Variants in PAK5 observed in about 807,000 individuals in gnomAD.
PAK5 encodes the protein serine/threonine-protein kinase PAK 5.
A neutral mutation model predicts 65.9 loss-of-function variants in PAK5; 16 were observed. That is an observed-to-expected ratio of 0.24 (90% CI 0.16 to 0.37). PAK5 has a LOEUF of 0.37. Among genes scored for constraint, PAK5 ranks in the 10% least tolerant of loss-of-function variants. The probability of loss-of-function intolerance (pLI) is 1.00; values close to 1 mark genes in which losing one functional copy is unlikely to be tolerated. For missense variants in PAK5, 785 were observed against 903.9 expected, an observed-to-expected ratio of 0.87 and a Z score of 1.69; for synonymous variants, 371 against 354.9, an observed-to-expected ratio of 1.05 and a Z score of -0.51.
chr20:9,645,964 C>T (rs1276712806), intron 2 of PAK5, among the ~76,000 whole-genome samples: 1 of 152,214 alleles, frequency 6.6e-6, no homozygotes, highest in Non-Finnish European at 1.5e-5. Flanking sequence ...TAATGGTGTG[C>T]TCAGTGTCTG....
chr20:9,641,636 AG>A (rs886995290), intron 3 of PAK5, among the ~76,000 whole-genome samples: 2 of 151,978 alleles, frequency 1.3e-5, no homozygotes, highest in Non-Finnish European at 2.9e-5. Context: ...GCTGTGGAGC[AG>A]GGGGTGGTGC....
chr20:9,694,316 GTGTT>G lies in PAK5; in HGVS notation c.-12+16966_-12+16969del, dbSNP rs1188312173. Among the ~76,000 whole-genome samples the G allele has an allele frequency of 7.6e-4, 24 of 31,732 alleles. No individual in the cohort carries two copies. In the East Asian group the frequency reaches 0.022, roughly 29 times the overall value. The allele number at this position is 31,732 out of a possible 152,430, so 20.8% of individuals were successfully genotyped here. A position where few individuals can be genotyped will look rare whatever the true frequency, so the allele number is the denominator to read the frequency against. On this transcript the variant is annotated intron_variant, in intron 2 of 9. Coordinates refer to ENST00000353224, the MANE Select transcript of PAK5 (RefSeq NM_177990.4). ...GCCGTGTGTGTGTTTGTGTGTGTGT[GTGTT>G]TGTGTGTGTGTGTGTGTGTGTGTGT...
intron 1 of PAK5, among the ~76,000 whole-genome samples, chr20:9,781,767 G>A (rs1166286774): frequency 6.6e-6 from 1 of 151,918 alleles, no homozygotes; most frequent in African/African-American, 2.4e-5. Flanking sequence ...AATCCTGTTG[G>A]CTCTATCTTC....
intron 4 of PAK5, among the ~76,000 whole-genome samples, chr20:9,576,139 C>T (rs1289910777): frequency 6.6e-6 from 1 of 152,134 alleles, no homozygotes; most frequent in African/African-American, 2.4e-5. Flanking sequence ...AATTTATTAA[C>T]TTACTTAACC....
At chr20:9,680,429 A>G (rs2047634195) in intron 2 of PAK5, among the ~76,000 whole-genome samples, 1 of 152,196 alleles carries the variant, frequency 6.6e-6, no homozygotes, top group South Asian at 2.1e-4. Flanking sequence ...AGTGCAGAGC[A>G]TATTTCCAAC....
intron 5 of PAK5, among the ~76,000 whole-genome samples, chr20:9,564,215 G>C (rs1195312728): frequency 6.6e-6 from 1 of 152,176 alleles, no homozygotes; most frequent in Non-Finnish European, 1.5e-5. Flanking sequence ...AATACTTTAT[G>C]TGTTTTCTAA....
At chr20:9,559,097 G>A (rs1227869236) in intron 6 of PAK5, among the ~76,000 whole-genome samples, 1 of 152,170 alleles carries the variant, frequency 6.6e-6, no homozygotes, top group African/African-American at 2.4e-5. Flanking sequence ...ATCTAGGTGA[G>A]AATTATTTGG....
At chr20:9,700,787 A>T (rs1168676761) in intron 2 of PAK5, among the ~76,000 whole-genome samples, 1 of 152,206 alleles carries the variant, frequency 6.6e-6, no homozygotes, top group Non-Finnish European at 1.5e-5. Flanking sequence ...CTCAAGCTAC[A>T]TGCTGCATAT....
At chr20:9,716,058 C>T (rs1444566202) in intron 1 of PAK5, among the ~76,000 whole-genome samples, 1 of 149,908 alleles carries the variant, frequency 6.7e-6, no homozygotes, top group Non-Finnish European at 1.5e-5. Flanking sequence ...AAAATATGTA[C>T]ATAAAAATCA....
At chr20:9,697,190 C>T (rs776684769) in intron 2 of PAK5, among the ~76,000 whole-genome samples, 4 of 152,028 alleles carry the variant, frequency 2.6e-5, no homozygotes, top group African/African-American at 7.2e-5. Context: ...TTTGTTAAAA[C>T]GCGAACTCCA....
intron 2 of PAK5, among the ~76,000 whole-genome samples, chr20:9,678,791 T>C (rs977971360): frequency 1.3e-5 from 2 of 152,034 alleles, no homozygotes; most frequent in Non-Finnish European, 2.9e-5. Flanking sequence ...TTACTCACTA[T>C]CATGACAACA....
intron 2 of PAK5, among the ~76,000 whole-genome samples, chr20:9,707,345 A>G (rs539038246): frequency 2.1e-4 from 32 of 152,226 alleles, no homozygotes; most frequent in Admixed American, 1.4e-3. Context: ...CCTGGACCCA[A>G]GTGATCCTTC....
chr20:9,686,380 C>A (rs1290027112), intron 2 of PAK5, among the ~76,000 whole-genome samples: 1 of 152,138 alleles, frequency 6.6e-6, no homozygotes, highest in East Asian at 1.9e-4. Flanking sequence ...TTTTCCCTTC[C>A]TGTTTGGTAT....
At chr20:9,606,842 T>G (rs141802626) in intron 3 of PAK5, among the ~76,000 whole-genome samples, 3,240 of 152,174 alleles carry the variant, frequency 0.021, 42 homozygotes, top group Middle Eastern at 0.041. Flanking sequence ...CTTAAAAACA[T>G]AGGGGTGAGA....
intron 4 of PAK5, among the ~76,000 whole-genome samples, chr20:9,569,528 G>A (rs759058907): frequency 1.3e-5 from 2 of 152,184 alleles, no homozygotes; most frequent in Non-Finnish European, 1.5e-5. Context: ...AAGGAAGCAA[G>A]GTGTCCTGGA....
intron 5 of PAK5, among the ~76,000 whole-genome samples, chr20:9,563,419 C>T (rs1172896251): frequency 2.6e-5 from 4 of 152,042 alleles, no homozygotes; most frequent in Admixed American, 6.6e-5. Flanking sequence ...GTCACCAACT[C>T]GTAGTAATTG....
chr20:9,809,186 T>C (rs1044608927), intron 1 of PAK5, among the ~76,000 whole-genome samples: 2 of 152,080 alleles, frequency 1.3e-5, no homozygotes, highest in Non-Finnish European at 2.9e-5. Context: ...ATACACTAGA[T>C]ATACTATGAA....
At chr20:9,714,200 A>G (rs556040998) in intron 1 of PAK5, among the ~76,000 whole-genome samples, 1 of 152,232 alleles carries the variant, frequency 6.6e-6, no homozygotes, top group South Asian at 2.1e-4. Flanking sequence ...GATATTAATT[A>G]TTGCTCCTCC....
intron 7 of PAK5, among the ~76,000 whole-genome samples, chr20:9,550,731 G>A (rs1383553845): frequency 2.0e-5 from 3 of 148,460 alleles, no homozygotes; most frequent in Admixed American, 6.7e-5. Context: ...CCATAATTGT[G>A]GTGTGTGTGT....
Sources: gnomAD v4.1 joint callset for allele counts (sites outside exome capture counted in the v4.1 genomes callset) on GRCh38, gnomAD v4.1.1 for gene constraint, MANE v1.5 for transcripts, NCBI Gene and HGNC (gene_info 2026-07-23, HGNC 2026-07-21) for gene names.